The following PYHIN1 variants were observed in gnomAD, a reference collection of about 807,000 sequenced individuals.
PYHIN1 encodes the protein pyrin and HIN domain-containing protein 1.
In PYHIN1, 32 loss-of-function variants were observed where a neutral mutation model predicts 43.7. The observed-to-expected ratio is 0.73, with a 90% CI of 0.55 to 0.98. PYHIN1 has a LOEUF of 0.98. PYHIN1 is among the 50% of genes least tolerant of loss of function. The pLI, the probability that PYHIN1 is intolerant of heterozygous loss-of-function variation, is 0.00. For missense variants in PYHIN1, 588 were observed against 589.5 expected (o/e 1.00, Z 0.03); for synonymous variants, 205 against 203.1 (o/e 1.01, Z -0.08).
At chr1:158,950,704 C>T (rs1171215473) in intron 7 of PYHIN1, among the ~76,000 whole-genome samples, 5 of 152,124 alleles carry the variant, frequency 3.3e-5, no homozygotes, top group East Asian at 3.8e-4. Flanking sequence ...GTGCCAATAG[C>T]GTGGCAGGGT....
At chr1:158,944,079 CAG>C (rs1649082380) in intron 6 of PYHIN1, 101 bp downstream of exon 6, 4 of 972,764 alleles carry the variant, frequency 4.1e-6, no homozygotes, top group Non-Finnish European at 5.9e-6. Flanking sequence ...TAAAATTCTG[CAG>C]AGTTCATGAG....
chr1:158,969,275 C>T (rs1462771804), intron 7 of PYHIN1, among the ~76,000 whole-genome samples: 1 of 151,990 alleles, frequency 6.6e-6, no homozygotes, highest in Non-Finnish European at 1.5e-5. Flanking sequence ...AATTAGGTAA[C>T]TGTGACTCAC....
At chr1:158,934,253 T>C (rs1482446210) in intron 1 of PYHIN1, among the ~76,000 whole-genome samples, 1 of 152,218 alleles carries the variant, frequency 6.6e-6, no homozygotes, top group Non-Finnish European at 1.5e-5. Context: ...TATTTGTGTT[T>C]AAGTGGAATA....
the PYHIN1 span, among the ~76,000 whole-genome samples, chr1:158,990,671 C>T: frequency 3.3e-5 from 5 of 152,054 alleles, no homozygotes; most frequent in Non-Finnish European, 7.4e-5. Context: ...CCCATTTCTC[C>T]CTCCCCTACA....
chr1:158,938,210 A>C (rs1466167956), intron 2 of PYHIN1, among the ~76,000 whole-genome samples, 187 bp from the exon 3 acceptor site: 1 of 152,146 alleles, frequency 6.6e-6, no homozygotes, highest in African/African-American at 2.4e-5. Flanking sequence ...GAGGAGTGTG[A>C]GTCAGTGTTT....
chr1:158,970,866 A>G (rs1224624187), intron 7 of PYHIN1, among the ~76,000 whole-genome samples: 2 of 152,030 alleles, frequency 1.3e-5, no homozygotes, highest in Non-Finnish European at 2.9e-5. Context: ...TGAAGATACA[A>G]CCTATATCTC....
At chr1:158,969,105 T>C (rs1650798472) in intron 7 of PYHIN1, among the ~76,000 whole-genome samples, 1 of 152,020 alleles carries the variant, frequency 6.6e-6, no homozygotes, top group African/African-American at 2.4e-5. Context: ...CCAGCCTTAA[T>C]GAACTCTAAA....
chr1:158,960,887 A>C (rs1650280136), intron 7 of PYHIN1, among the ~76,000 whole-genome samples: 1 of 152,208 alleles, frequency 6.6e-6, no homozygotes, highest in Non-Finnish European at 1.5e-5. Flanking sequence ...GTTTTTGAGA[A>C]GATAGTAACT....
At chr1:158,970,829 T>C (rs1431503246) in intron 7 of PYHIN1, among the ~76,000 whole-genome samples, 1 of 152,064 alleles carries the variant, frequency 6.6e-6, no homozygotes, top group Non-Finnish European at 1.5e-5. Flanking sequence ...ATAAAATGTA[T>C]AGCATATATT....
At chr1:158,951,849 G>A (rs922003629) in intron 7 of PYHIN1, among the ~76,000 whole-genome samples, 19 of 152,122 alleles carry the variant, frequency 1.2e-4, no homozygotes, top group African/African-American at 4.6e-4. Flanking sequence ...AGAGGTTACC[G>A]TTTTACTTAA....
rs139847996 is a variant in PYHIN1, at chr1:158,937,310, C to G, written c.265+135C>G. 1.4e-5 allele frequency: 13 copies of G among 915,808 alleles called. No individual in the cohort carries two copies. In the East Asian group the frequency reaches 2.8e-4, roughly 20 times the overall value. 56.7% of individuals were successfully genotyped at this position (915,808 alleles called of 1,614,324 possible). A position where few individuals can be genotyped will look rare whatever the true frequency, so the allele number is the denominator to read the frequency against. On this transcript the variant is annotated intron_variant, in intron 2 of 8. Transcript: ENST00000368140. ...CTCACTGGCCATGGCAATGTTGGTA[C>G]TTCAGATGCCAACAAGTTGACAACT...
intron 7 of PYHIN1, among the ~76,000 whole-genome samples, chr1:158,972,683 G>T (rs1380050722): frequency 6.6e-6 from 1 of 151,888 alleles, no homozygotes; most frequent in Non-Finnish European, 1.5e-5. Context: ...TTCATACATG[G>T]TACTCCCTTT....
chr1:158,981,714 C>T (rs1158829255), downstream of PYHIN1, among the ~76,000 whole-genome samples: 3 of 152,128 alleles, frequency 2.0e-5, no homozygotes, highest in African/African-American at 7.2e-5. Context: ...TGGACCTCTT[C>T]CTTTCACCAT....
At chr1:158,951,847 C>T (rs1649548057) in intron 7 of PYHIN1, among the ~76,000 whole-genome samples, 1 of 152,132 alleles carries the variant, frequency 6.6e-6, no homozygotes, top group Non-Finnish European at 1.5e-5. Context: ...TTAGAGGTTA[C>T]CGTTTTACTT....
At chr1:158,946,530 T>G (rs555879723) in intron 7 of PYHIN1, among the ~76,000 whole-genome samples, 12 of 151,150 alleles carry the variant, frequency 7.9e-5, no homozygotes, top group Admixed American at 4.0e-4. Flanking sequence ...TTTGAAAGAA[T>G]CCTTCTAGCA....
chr1:158,958,249 T>C (rs1650084061), intron 7 of PYHIN1, among the ~76,000 whole-genome samples: 1 of 151,574 alleles, frequency 6.6e-6, no homozygotes, highest in Non-Finnish European at 1.5e-5. Flanking sequence ...AGGCATCCCA[T>C]TACTGGGTAT....
chr1:158,974,591 G>T (rs188625307), intron 8 of PYHIN1, among the ~76,000 whole-genome samples: 1 of 152,000 alleles, frequency 6.6e-6, no homozygotes, highest in African/African-American at 2.4e-5. Flanking sequence ...AAAGAGAAAG[G>T]CAAGAGGAGA....
At chr1:158,982,335 T>A in the PYHIN1 span, among the ~76,000 whole-genome samples, 15 of 152,080 alleles carry the variant, frequency 9.9e-5, no homozygotes, top group Non-Finnish European at 2.2e-4. Flanking sequence ...AAAGGAAGGG[T>A]TCCAGTTTTA....
At chr1:158,945,624 T>C (rs1649177372) in intron 7 of PYHIN1, among the ~76,000 whole-genome samples, 1 of 152,202 alleles carries the variant, frequency 6.6e-6, no homozygotes, top group Non-Finnish European at 1.5e-5. Flanking sequence ...CTCCTGTCAA[T>C]GAGAGTAAAG....
Sources: allele counts gnomAD v4.1 joint callset (sites outside exome capture counted in the v4.1 genomes callset), GRCh38; gene constraint gnomAD v4.1.1; transcripts MANE v1.5; gene names NCBI Gene and HGNC (gene_info 2026-07-23, HGNC 2026-07-21).